The following GSTA5 variants were observed in gnomAD, a reference collection of about 807,000 sequenced individuals.
GSTA5 encodes glutathione S-transferase A5.
In GSTA5, 25 loss-of-function variants were observed where a neutral mutation model predicts 21.8. The observed-to-expected ratio is 1.14, with a 90% CI of 0.83 to 1.60. The LOEUF is 1.60. Ranked by LOEUF, GSTA5 falls within the 40% of genes most tolerant of loss-of-function variation. The pLI, the probability that GSTA5 is intolerant of heterozygous loss-of-function variation, is 0.00. For synonymous variants in GSTA5, 102 were observed against 89.5 expected, an observed-to-expected ratio of 1.14 and a Z score of -0.78; for missense variants, 330 against 259.2, an observed-to-expected ratio of 1.27 and a Z score of -1.88.
At chr6:52,846,108 T>G in the GSTA5 span, 1 of 163,626 alleles carries the variant, frequency 6.1e-6, no homozygotes, top group Non-Finnish European at 1.3e-5. Context: ...ATTCCAGGTC[T>G]TAATGTATTT....
At chr6:52,842,834 G>A (rs1245377675), upstream of GSTA5, among the ~76,000 whole-genome samples, 2 of 152,134 alleles carry the variant, frequency 1.3e-5, no homozygotes, top group Non-Finnish European at 2.9e-5. Flanking sequence ...CACATGCCAT[G>A]CTGGTTTGCT....
chr6:52,844,510 A>T (rs1280003983), upstream of GSTA5, among the ~76,000 whole-genome samples: 1 of 152,192 alleles, frequency 6.6e-6, no homozygotes, highest in Non-Finnish European at 1.5e-5. Context: ...TTTGAAAGGA[A>T]TATAAGCTAT....
upstream of GSTA5, among the ~76,000 whole-genome samples, chr6:52,844,995 T>C (rs966713704): frequency 4.6e-5 from 7 of 152,200 alleles, no homozygotes; most frequent in African/African-American, 1.7e-4. Flanking sequence ...AATCTGTCTG[T>C]CTCTTCATCA....
chr6:52,832,809 C>T (rs1420533193), intron 5 of GSTA5, 50 bp downstream of exon 5: 1 of 1,611,870 alleles, frequency 6.2e-7, no homozygotes, highest in Non-Finnish European at 8.5e-7. Flanking sequence ...GATATGAGAT[C>T]CCAATATAAG....
chr6:52,833,307 C>G (rs1764244148), intron 4 of GSTA5, among the ~76,000 whole-genome samples: 1 of 152,196 alleles, frequency 6.6e-6, no homozygotes, highest in Non-Finnish European at 1.5e-5. Context: ...CTGTCTGCCC[C>G]AGGCCCTACA....
chr6:52,836,936 A>T (rs1764301885), intron 2 of GSTA5, among the ~76,000 whole-genome samples: 1 of 152,052 alleles, frequency 6.6e-6, no homozygotes, highest in African/African-American at 2.4e-5. Flanking sequence ...GGACTCTTGT[A>T]TTTTTTGTGT....
intron 1 of GSTA5, 83 bp from the exon 2 acceptor site, chr6:52,837,692 T>C: frequency 2.1e-6 from 2 of 946,400 alleles, no homozygotes; most frequent in South Asian, 3.0e-5. Context: ...ATCTGGTGCA[T>C]GATTTGGAGA....
intron 5 of GSTA5, among the ~76,000 whole-genome samples, chr6:52,832,566 G>A (rs552231953): frequency 1.3e-5 from 2 of 152,282 alleles, no homozygotes; most frequent in African/African-American, 2.4e-5. Flanking sequence ...GAGAACTCAG[G>A]AACAGAAACC....
chr6:52,837,463 C>G, intron 2 of GSTA5, 95 bp downstream of exon 2: 1 of 740,180 alleles, frequency 1.4e-6, no homozygotes, highest in Non-Finnish European at 2.3e-6. Context: ...GACTAAATAT[C>G]ACCCCCCACA....
chr6:52,832,741 G>A (rs1212143885), intron 5 of GSTA5, 118 bp downstream of exon 5: 3 of 1,514,472 alleles, frequency 2.0e-6, no homozygotes, highest in South Asian at 1.2e-5. Context: ...TGGAGACCTT[G>A]GGGGCACTGA....
chr6:52,836,546 C>CT (rs1307890938), intron 2 of GSTA5, among the ~76,000 whole-genome samples, 178 bp from the exon 3 acceptor site: 1 of 152,242 alleles, frequency 6.6e-6, no homozygotes, highest in Non-Finnish European at 1.5e-5. Context: ...GAGTCTCACT[C>CT]TGTCACCCAG....
exon 6 of GSTA5, chr6:52,831,865 T>C (rs1249683924): frequency 6.2e-7 from 1 of 1,614,034 alleles, no homozygotes; most frequent in Non-Finnish European, 8.5e-7. Flanking sequence ...CTGAAAATCT[T>C]CCTTGCTTCT....
chr6:52,834,353 GA>G, intron 3 of GSTA5, 71 bp from the exon 4 acceptor site: 2 of 1,464,466 alleles, frequency 1.4e-6, no homozygotes, highest in Non-Finnish European at 1.9e-6. Flanking sequence ...AAAAACCTAA[GA>G]AAATAGAGGG....
intron 5 of GSTA5, 43 bp from the exon 6 acceptor site, chr6:52,832,013 G>A: frequency 6.3e-7 from 1 of 1,579,878 alleles, no homozygotes; most frequent in African/African-American, 1.4e-5. Flanking sequence ...GCCAAGGCCG[G>A]CCACCATCAT....
chr6:52,832,651 T>C (rs576951414), intron 5 of GSTA5, among the ~76,000 whole-genome samples: 1 of 152,284 alleles, frequency 6.6e-6, no homozygotes, highest in East Asian at 1.9e-4. Context: ...ATACTCTTCA[T>C]GGGTTAGCAT....
intron 2 of GSTA5, 134 bp from the exon 3 acceptor site, chr6:52,836,502 A>T (rs1485987606): frequency 1.1e-6 from 1 of 914,988 alleles, no homozygotes; most frequent in Non-Finnish European, 1.6e-6. Context: ...TTTCACTTGA[A>T]ACAACTTTTT....
At chr6:52,844,328 G>A (rs186067265), upstream of GSTA5, among the ~76,000 whole-genome samples, 5 of 152,292 alleles carry the variant, frequency 3.3e-5, no homozygotes, top group African/African-American at 1.2e-4. Flanking sequence ...TGGAAGGAGA[G>A]GGTGAGAGGG....
At chr6:52,835,507 T>C (rs929076792) in intron 3 of GSTA5, among the ~76,000 whole-genome samples, 10 of 152,258 alleles carry the variant, frequency 6.6e-5, no homozygotes, top group Non-Finnish European at 1.2e-4. Context: ...AGTGTGGATG[T>C]ATTTTTGATT....
At position 52,834,212 on chromosome 6, in the gene GSTA5, CT is replaced by C. The variant is rs1561926022; in HGVS notation, c.342del (p.Glu115ArgfsTer14). 4 of 1,613,948 alleles carry C rather than the reference CT, an allele frequency of 2.5e-6. No homozygotes were observed. The Admixed American group carries it at 6.7e-5, about 27-fold the overall frequency. On this transcript the variant is annotated frameshift_variant, in exon 4 of 6. Coordinates refer to ENST00000370989, the Ensembl canonical transcript of GSTA5. LOFTEE classifies it high-confidence loss of function. ...AAGGCAGTCTTGGCATCTCTTTCCT[CT>C]GGTTGACATATGAGCAGAAGAAGGA...
Sources: gnomAD v4.1 joint callset for allele counts (sites outside exome capture counted in the v4.1 genomes callset) on GRCh38, gnomAD v4.1.1 for gene constraint, MANE v1.5 for transcripts, NCBI Gene and HGNC (gene_info 2026-07-23, HGNC 2026-07-21) for gene names.